The following LUZP2 variants were observed in gnomAD, a reference collection of about 807,000 sequenced individuals.
LUZP2 encodes the protein leucine zipper protein 2.
In LUZP2, 52 loss-of-function variants were observed where a neutral mutation model predicts 51.6. The ratio of observed to expected loss-of-function variants is 1.01; its 90% CI spans 0.81 to 1.27. LUZP2 has a LOEUF of 1.27. LUZP2 is among the 50% of genes most tolerant of loss of function. The probability of loss-of-function intolerance (pLI) is 0.00; values close to 1 mark genes in which losing one functional copy is unlikely to be tolerated. For missense variants in LUZP2, 436 were observed against 395.4 expected (o/e 1.10, Z -0.87); for synonymous variants, 154 against 137.3 (o/e 1.12, Z -0.85).
intron 5 of LUZP2, among the ~76,000 whole-genome samples, chr11:24,770,843 G>GA (rs1181080364): frequency 3.3e-5 from 5 of 152,086 alleles, no homozygotes; most frequent in African/African-American, 4.8e-5. Flanking sequence ...TTGTACCTTA[G>GA]AAAAAACTCT....
chr11:24,974,732 A>G (rs1297765607), intron 7 of LUZP2, among the ~76,000 whole-genome samples: 1 of 152,064 alleles, frequency 6.6e-6, no homozygotes, highest in Non-Finnish European at 1.5e-5. Context: ...AAACGATAAG[A>G]AGAAAATTAT....
At chr11:24,516,196 T>G (rs960068440) in intron 1 of LUZP2, among the ~76,000 whole-genome samples, 1 of 152,204 alleles carries the variant, frequency 6.6e-6, no homozygotes, top group Non-Finnish European at 1.5e-5. Flanking sequence ...ACCTGACACT[T>G]ACACTTGATT....
chr11:24,521,778 T>C (rs546848306), intron 1 of LUZP2, among the ~76,000 whole-genome samples: 1 of 152,200 alleles, frequency 6.6e-6, no homozygotes, highest in Admixed American at 6.5e-5. Flanking sequence ...AGATTTCCTG[T>C]TTTGAAAAAA....
chr11:24,722,551 G>A (rs1858315601), intron 1 of LUZP2, among the ~76,000 whole-genome samples: 1 of 152,028 alleles, frequency 6.6e-6, no homozygotes, highest in African/African-American at 2.4e-5. Context: ...ATGAGATTTG[G>A]GAGGGGACAC....
intron 1 of LUZP2, among the ~76,000 whole-genome samples, chr11:24,696,500 T>C (rs1430614630): frequency 2.0e-5 from 3 of 152,136 alleles, no homozygotes; most frequent in Non-Finnish European, 4.4e-5. Context: ...AAAAATTGTA[T>C]CTTTCATTCC....
chr11:24,911,620 A>G (rs989028743), intron 6 of LUZP2, among the ~76,000 whole-genome samples: 1 of 152,214 alleles, frequency 6.6e-6, no homozygotes, highest in African/African-American at 2.4e-5. Context: ...CTCCCCAGCC[A>G]TGCAGAACTC....
chr11:24,575,698 A>G (rs1852621178), intron 1 of LUZP2, among the ~76,000 whole-genome samples: 1 of 152,170 alleles, frequency 6.6e-6, no homozygotes, highest in South Asian at 2.1e-4. Context: ...ACACTGAGAT[A>G]AAAACATCAC....
intron 5 of LUZP2, among the ~76,000 whole-genome samples, chr11:24,868,988 G>A (rs970018629): frequency 1.1e-4 from 17 of 152,174 alleles, no homozygotes; most frequent in African/African-American, 4.1e-4. Context: ...TGTAATGAAT[G>A]TATTTTCGCT....
chr11:24,708,259 A>G (rs1192036802), intron 1 of LUZP2, among the ~76,000 whole-genome samples: 1 of 152,222 alleles, frequency 6.6e-6, no homozygotes, highest in African/African-American at 2.4e-5. Flanking sequence ...TGATTCAAAT[A>G]CTAATCTCTT....
At chr11:24,969,914 G>A (rs1055104085) in intron 7 of LUZP2, among the ~76,000 whole-genome samples, 10 of 151,980 alleles carry the variant, frequency 6.6e-5, no homozygotes, top group Non-Finnish European at 1.3e-4. Flanking sequence ...ACACATGCGC[G>A]CGCACACACA....
intron 5 of LUZP2, among the ~76,000 whole-genome samples, chr11:24,870,365 T>C (rs1385610380): frequency 6.6e-6 from 1 of 152,092 alleles, no homozygotes; most frequent in African/African-American, 2.4e-5. Flanking sequence ...TCCTAAGTAT[T>C]GTTTCTCTGC....
intron 5 of LUZP2, among the ~76,000 whole-genome samples, chr11:24,894,396 A>G (rs866773187): frequency 2.0e-5 from 3 of 152,212 alleles, no homozygotes; most frequent in Middle Eastern, 6.8e-3. Context: ...CCTGGTATCG[A>G]ATTCCTGACC....
intron 9 of LUZP2, among the ~76,000 whole-genome samples, chr11:25,024,833 A>G (rs10742065): frequency 1 from 144,719 of 144,852 alleles, 72,293 homozygotes; most frequent in Middle Eastern, 1. Context: ...AGCCCGCATC[A>G]CCAAGTCAAT....
rs547570358 is a variant in LUZP2, at chr11:24,667,214, C to G, written c.63-61955C>G. ...TTTTTTTTTTTTTGAGACGGAGTCT[C>G]ACTATGTCACACAGGCTGGAGTGCA... On this transcript the variant is annotated intron_variant, in intron 1 of 11. Transcript: ENST00000336930. Among the ~76,000 whole-genome samples the G allele has an allele frequency of 1.1e-4, 15 of 140,750 alleles. No homozygotes were observed. The South Asian group carries it at 3.4e-3, about 32-fold the overall frequency. The allele number at this position is 140,750 out of a possible 152,430, so 92.3% of individuals were successfully genotyped here.
chr11:24,620,081 C>A (rs897680697), intron 1 of LUZP2, among the ~76,000 whole-genome samples: 4 of 152,090 alleles, frequency 2.6e-5, no homozygotes, highest in Admixed American at 2.0e-4. Context: ...TTTGTGGATT[C>A]CAGTTTAAGC....
chr11:24,743,271 G>C (rs1240149134), intron 4 of LUZP2, among the ~76,000 whole-genome samples: 1 of 151,960 alleles, frequency 6.6e-6, no homozygotes, highest in Non-Finnish European at 1.5e-5. Flanking sequence ...TTTATAGATT[G>C]CTTTGGGCAG....
At chr11:24,737,311 G>A (rs887833724) in intron 3 of LUZP2, among the ~76,000 whole-genome samples, 6 of 152,088 alleles carry the variant, frequency 3.9e-5, no homozygotes, top group African/African-American at 7.2e-5. Flanking sequence ...AATATCCAGA[G>A]CTAATCTTTT....
intron 1 of LUZP2, among the ~76,000 whole-genome samples, chr11:24,524,420 T>A (rs190208617): frequency 1.6e-3 from 241 of 151,838 alleles, no homozygotes; most frequent in African/African-American, 5.3e-3. Flanking sequence ...TGCTCTTCTT[T>A]ACAAAGATTC....
chr11:24,867,694 CA>C (rs1315465644), intron 5 of LUZP2, among the ~76,000 whole-genome samples: 1 of 152,044 alleles, frequency 6.6e-6, no homozygotes, highest in Non-Finnish European at 1.5e-5. Context: ...GACAAGTTCA[CA>C]GTAGAAAGTT....
Sources: gnomAD v4.1 joint callset for allele counts (sites outside exome capture counted in the v4.1 genomes callset) on GRCh38, gnomAD v4.1.1 for gene constraint, MANE v1.5 for transcripts, NCBI Gene and HGNC (gene_info 2026-07-23, HGNC 2026-07-21) for gene names.